The following TEX9 variants were observed in gnomAD, a reference collection of about 807,000 sequenced individuals.
TEX9 encodes the protein testis-expressed protein 9.
Under a neutral mutation model 59.6 loss-of-function variants are expected in TEX9, and 74 were observed. That is an observed-to-expected ratio of 1.24 (90% confidence interval 1.03 to 1.51). TEX9 has a LOEUF of 1.51. Ranked by LOEUF, TEX9 falls within the 40% of genes most tolerant of loss-of-function variation. TEX9 has a pLI of 0.00. For missense variants in TEX9, 522 were observed against 447.8 expected (o/e 1.17, Z -1.49); for synonymous variants, 186 against 152.2 (o/e 1.22, Z -1.64).
chr15:56,437,633 A>G (rs1292844758), intron 12 of TEX9, among the ~76,000 whole-genome samples: 1 of 152,174 alleles, frequency 6.6e-6, no homozygotes, highest in African/African-American at 2.4e-5. Context: ...AGGCAGGAGA[A>G]AGAAAGAAAG....
At chr15:56,418,506 CTGGGCGTGGTGG>C (rs2049811312) in intron 10 of TEX9, among the ~76,000 whole-genome samples, 1 of 149,772 alleles carries the variant, frequency 6.7e-6, no homozygotes, top group African/African-American at 2.5e-5. Context: ...GAAAAATTAG[CTGGGCGTGGTGG>C]TGGGCGCCTG....
At chr15:56,323,883 G>T (rs572354572) in intron 1 of TEX9, among the ~76,000 whole-genome samples, 1 of 152,066 alleles carries the variant, frequency 6.6e-6, no homozygotes. Flanking sequence ...TCCTTTTAAA[G>T]AAAATAATTG....
chr15:56,354,185 C>G (rs898586022), intron 1 of TEX9, among the ~76,000 whole-genome samples: 8 of 152,152 alleles, frequency 5.3e-5, no homozygotes, highest in Non-Finnish European at 1.2e-4. Context: ...AGACAGGAAT[C>G]ATTATTACAT....
chr15:56,319,440 T>C (rs1344496668), intron 1 of TEX9, among the ~76,000 whole-genome samples: 3 of 151,954 alleles, frequency 2.0e-5, no homozygotes, highest in Admixed American at 1.3e-4. Context: ...ATGCTCTGAT[T>C]GCAGATTTCA....
chr15:56,440,451 A>G (rs539446613), intron 12 of TEX9, among the ~76,000 whole-genome samples: 3 of 152,314 alleles, frequency 2.0e-5, no homozygotes, highest in Non-Finnish European at 2.9e-5. Context: ...AAACCCAGCT[A>G]ATACAATCTT....
At chr15:56,447,954 C>T (rs2050920127), downstream of TEX9, among the ~76,000 whole-genome samples, 1 of 152,132 alleles carries the variant, frequency 6.6e-6, no homozygotes, top group African/African-American at 2.4e-5. Flanking sequence ...CAAATACATC[C>T]ATTTATTGCA....
chr15:56,322,504 C>T (rs1462822588), intron 1 of TEX9, among the ~76,000 whole-genome samples: 7 of 152,080 alleles, frequency 4.6e-5, no homozygotes, highest in African/African-American at 1.4e-4. Flanking sequence ...AGAATCCTGT[C>T]TCATCATTGA....
rs368480053 is a variant in TEX9 at position 56,431,677 on chromosome 15, C to G, written c.*29+3204C>G. 2.0e-5 allele frequency among the ~76,000 whole-genome samples: 3 copies of G among 151,812 alleles called. 1 individual carries two copies. Among genetic ancestry groups the G allele is most frequent in the Admixed American group, 6.6e-5 (1 of 15,238 alleles). ...ATATATTTTATGTCTGTACACATAT[C>G]TATGTATTTTTTACTGTCATTATTC... is the stretch of plus-strand genomic sequence containing the variant. On this transcript the variant is annotated intron_variant, in intron 12 of 12. Transcript: ENST00000352903.
At chr15:56,321,318 A>C (rs771142683) in intron 1 of TEX9, among the ~76,000 whole-genome samples, 1 of 152,204 alleles carries the variant, frequency 6.6e-6, no homozygotes, top group Non-Finnish European at 1.5e-5. Context: ...ACTCAGGTTA[A>C]GAAGCAACTG....
At chr15:56,313,401 G>C (rs2045673111) in intron 1 of TEX9, among the ~76,000 whole-genome samples, 1 of 140,352 alleles carries the variant, frequency 7.1e-6, no homozygotes, top group Admixed American at 7.5e-5. Flanking sequence ...CATCTATTGA[G>C]ATAATCATGT....
chr15:56,403,364 G>T (rs140867279), intron 9 of TEX9, among the ~76,000 whole-genome samples: 1 of 152,178 alleles, frequency 6.6e-6, no homozygotes, highest in Non-Finnish European at 1.5e-5. Context: ...CAAATCATGA[G>T]TGAACTCCCA....
intron 3 of TEX9, 133 bp from the exon 4 acceptor site, chr15:56,383,819 G>T: frequency 3.5e-6 from 2 of 578,978 alleles, no homozygotes; most frequent in East Asian, 2.9e-5. Flanking sequence ...ATAGCATTTA[G>T]AATTCCGTGC....
chr15:56,460,005 A>ATAT, the TEX9 span, among the ~76,000 whole-genome samples: 2 of 30,536 alleles, frequency 6.5e-5, no homozygotes, highest in African/African-American at 2.4e-4. Flanking sequence ...AAAAAAAAAA[A>ATAT]AAAAATACAT....
At chr15:56,277,583 A>G (rs1020635601) in intron 1 of TEX9, among the ~76,000 whole-genome samples, 22 of 152,224 alleles carry the variant, frequency 1.4e-4, no homozygotes, top group African/African-American at 5.3e-4. Context: ...GTAGCCTTAC[A>G]GTTTGAAGTC....
chr15:56,444,552 T>C, intron 12 of TEX9: 1 of 1,613,128 alleles, frequency 6.2e-7, no homozygotes, highest in Non-Finnish European at 8.5e-7. Context: ...TTCAAGTTGT[T>C]TCTCTAAGTC....
chr15:56,339,505 C>T (rs868369469), intron 1 of TEX9, among the ~76,000 whole-genome samples: 2 of 151,040 alleles, frequency 1.3e-5, no homozygotes, highest in Middle Eastern at 7.0e-3. Context: ...TTCCTGCCTG[C>T]TAGGTATTGA....
chr15:56,434,839 C>T (rs1458009525), intron 12 of TEX9, among the ~76,000 whole-genome samples: 1 of 152,060 alleles, frequency 6.6e-6, no homozygotes, highest in African/African-American at 2.4e-5. Flanking sequence ...TTACCCATCT[C>T]TAGTCTTCTA....
chr15:56,391,468 G>C, intron 7 of TEX9, 50 bp downstream of exon 7: 1 of 1,242,284 alleles, frequency 8.0e-7, no homozygotes, highest in Non-Finnish European at 1.1e-6. Context: ...CAGTTACTTA[G>C]AAGAAGAAAT....
At chr15:56,348,146 A>G (rs1301200006) in intron 1 of TEX9, among the ~76,000 whole-genome samples, 1 of 152,164 alleles carries the variant, frequency 6.6e-6, no homozygotes, top group East Asian at 1.9e-4. Context: ...GTGAAGGTGC[A>G]TAGAATCTCT....
Sources: allele counts gnomAD v4.1 joint callset (sites outside exome capture counted in the v4.1 genomes callset), GRCh38; gene constraint gnomAD v4.1.1; transcripts MANE v1.5; gene names NCBI Gene and HGNC (gene_info 2026-07-23, HGNC 2026-07-21).